Variants in MTMR10 observed in about 807,000 individuals in gnomAD.
MTMR10 encodes the protein myotubularin-related protein 10.
Under a neutral mutation model 88.1 loss-of-function variants are expected in MTMR10, and 56 were observed. That is an observed-to-expected ratio of 0.64 (90% CI 0.51 to 0.79). MTMR10 has a LOEUF of 0.79. MTMR10 is among the 30% of genes least tolerant of loss of function. The pLI is 0.00. For missense variants in MTMR10, 883 were observed against 924.7 expected (o/e 0.95, Z 0.58); for synonymous variants, 380 against 340.9 (o/e 1.11, Z -1.26).
chr15:30,953,082 G>A (rs750024681), intron 11 of MTMR10, among the ~76,000 whole-genome samples: 5 of 152,136 alleles, frequency 3.3e-5, no homozygotes, highest in Admixed American at 6.5e-5. Flanking sequence ...GAGCCACCAC[G>A]CCTGGCCTCA....
rs149504583 is a variant in MTMR10, at chr15:30,939,438, T to A, written c.*2032A>T. 140 of 985,466 alleles carry A rather than the reference T, an allele frequency of 1.4e-4. No individual in the cohort carries two copies. In the African/African-American group the frequency reaches 2.4e-3, roughly 17 times the overall value. 61.0% of individuals were successfully genotyped at this position (985,466 alleles called of 1,614,324 possible). The stretch of plus-strand genomic sequence containing the variant: ...GACGGCAGAGGTGGTATAAGCAGCT[T>A]CACCCTGGCCCGACTGAAGGCTGTC... On this transcript the variant is annotated 3_prime_UTR_variant, in exon 16 of 16. Transcript: ENST00000435680.
At chr15:30,990,690 A>C in intron 2 of MTMR10, 87 bp downstream of exon 2, 1 of 1,085,652 alleles carries the variant, frequency 9.2e-7, no homozygotes, top group East Asian at 2.6e-5. Flanking sequence ...AGAGAAGGGA[A>C]GTTAACCACA....
intron 2 of MTMR10, among the ~76,000 whole-genome samples, chr15:30,985,158 T>C (rs1367170859): frequency 6.6e-6 from 1 of 152,198 alleles, no homozygotes; most frequent in African/African-American, 2.4e-5. Context: ...CCCCACTCAC[T>C]GCAAATCTTA....
Position 30,941,174 on chromosome 15 carries a change from G to A in MTMR10, c.*296C>T, listed in dbSNP as rs2063035558. ...GTGACTGACTATCAGATAGCCTTCA[G>A]GAGGTGGTAGGAAAAATGGATGGAG... On this transcript the variant is annotated 3_prime_UTR_variant, in exon 16 of 16. Transcript: ENST00000435680. The A allele has an allele frequency of 1.5e-6, 2 of 1,328,818 alleles. No individual in the cohort carries two copies. The highest frequency in any genetic ancestry group is 2.0e-6 in the Non-Finnish European group (2 of 1,015,714). 82.3% of individuals were successfully genotyped at this position (1,328,818 alleles called of 1,614,324 possible). A position where few individuals can be genotyped will look rare whatever the true frequency, so the allele number is the denominator to read the frequency against.
intron 2 of MTMR10, among the ~76,000 whole-genome samples, chr15:30,990,236 T>C (rs1024954069): frequency 6.6e-6 from 1 of 152,116 alleles, no homozygotes; most frequent in Non-Finnish European, 1.5e-5. Context: ...ATCTAGTGGG[T>C]GGAGGCCATC....
chr15:30,954,645 T>A, intron 10 of MTMR10, 118 bp downstream of exon 10: 1 of 1,045,154 alleles, frequency 9.6e-7, no homozygotes, highest in East Asian at 3.0e-5. Flanking sequence ...GTACAAATAG[T>A]TCCATAGACT....
intron 5 of MTMR10, among the ~76,000 whole-genome samples, chr15:30,969,526 G>A (rs1164505907): frequency 6.6e-6 from 1 of 152,090 alleles, no homozygotes; most frequent in Non-Finnish European, 1.5e-5. Flanking sequence ...ATTTTTCATA[G>A]TTGTCCATTT....
chr15:30,987,880 A>ACCC (rs2031049958), intron 2 of MTMR10, among the ~76,000 whole-genome samples: 57 of 139,098 alleles, frequency 4.1e-4, no homozygotes, highest in Middle Eastern at 3.5e-3. Context: ...CACCCCCAAC[A>ACCC]CCCCCGACAG....
At position 30,969,524 on chromosome 15, in the gene MTMR10, T is replaced by C. The variant is rs114064261; in HGVS notation, c.475-1514A>G. 4.5e-3 allele frequency among the ~76,000 whole-genome samples: 692 copies of C among 152,296 alleles called. 6 individuals carry two copies. Among genetic ancestry groups the C allele is most frequent in the African/African-American group, 0.016 (654 of 41,590 alleles). On this transcript the variant is annotated intron_variant, in intron 5 of 15. Coordinates refer to ENST00000435680, the MANE Select transcript of MTMR10 (RefSeq NM_017762.3). ...TGCACTTTTCTCTAGACATTTTTCA[T>C]AGTTGTCCATTTTGCTACACTGCCA...
chr15:30,952,673 T>G (rs2063266144), intron 11 of MTMR10, among the ~76,000 whole-genome samples: 1 of 152,006 alleles, frequency 6.6e-6, no homozygotes, highest in Admixed American at 6.6e-5. Context: ...TCCAACTTTT[T>G]TGTGGAGATG....
the MTMR10 span, among the ~76,000 whole-genome samples, chr15:30,925,463 C>G: frequency 6.6e-6 from 1 of 152,204 alleles, no homozygotes; most frequent in Non-Finnish European, 1.5e-5. Context: ...CCCTAACGCC[C>G]TCCTCCCTGA....
intron 7 of MTMR10, 67 bp downstream of exon 7, chr15:30,960,814 G>C: frequency 7.1e-7 from 1 of 1,416,288 alleles, no homozygotes; most frequent in Non-Finnish European, 9.3e-7. Context: ...AATGACAACA[G>C]AGTTTGATGA....
At chr15:30,978,037 T>A (rs1370210372) in intron 2 of MTMR10, among the ~76,000 whole-genome samples, 1 of 152,154 alleles carries the variant, frequency 6.6e-6, no homozygotes, top group Non-Finnish European at 1.5e-5. Context: ...CCAGCCTTCC[T>A]CACCCTCACT....
At chr15:30,952,684 G>A (rs1300248257) in intron 11 of MTMR10, among the ~76,000 whole-genome samples, 3 of 151,198 alleles carry the variant, frequency 2.0e-5, no homozygotes, top group Non-Finnish European at 4.4e-5. Context: ...TGTGGAGATG[G>A]GGTCTCACTG....
the MTMR10 span, among the ~76,000 whole-genome samples, chr15:30,931,286 TTTG>T: frequency 1.3e-5 from 2 of 151,852 alleles, no homozygotes; most frequent in African/African-American, 4.9e-5. Flanking sequence ...TCACTGGTGA[TTTG>T]TTTTCTCATT....
the MTMR10 span, among the ~76,000 whole-genome samples, chr15:30,921,300 T>C: frequency 6.6e-6 from 1 of 152,170 alleles, no homozygotes; most frequent in Non-Finnish European, 1.5e-5. Flanking sequence ...TCAGAACTCC[T>C]TGTGAGACTT....
Position 30,940,704 on chromosome 15 carries a change from T to C in MTMR10, c.*766A>G. The C allele has an allele frequency of 1.0e-6, 1 of 988,338 alleles. No homozygotes were observed. Among genetic ancestry groups the C allele is most frequent in the South Asian group, 4.7e-5 (1 of 21,478 alleles). The allele number at this position is 988,338 out of a possible 1,614,324, so 61.2% of individuals were successfully genotyped here. A position where few individuals can be genotyped will look rare whatever the true frequency, so the allele number is the denominator to read the frequency against. On this transcript the variant is annotated 3_prime_UTR_variant, in exon 16 of 16. Transcript: ENST00000435680. ...AGAGGAACAAGACTCTGGGGACTCC[T>C]GGCTATGAAGCTTAGTATGAAAAGC...
intron 2 of MTMR10, among the ~76,000 whole-genome samples, chr15:30,979,570 T>A (rs953122909): frequency 4.0e-5 from 6 of 150,836 alleles, no homozygotes; most frequent in African/African-American, 1.5e-4. Context: ...AAAAAAAAAA[T>A]CACTTAAACA....
the MTMR10 span, chr15:30,925,216 AGAGTCTCC>A: frequency 6.2e-7 from 1 of 1,614,084 alleles, no homozygotes; most frequent in Non-Finnish European, 8.5e-7. Context: ...TGCGCCTGCG[AGAGTCTCC>A]GAGCTGTAAA....
Sources: allele counts gnomAD v4.1 joint callset (sites outside exome capture counted in the v4.1 genomes callset), GRCh38; gene constraint gnomAD v4.1.1; transcripts MANE v1.5; gene names NCBI Gene and HGNC (gene_info 2026-07-23, HGNC 2026-07-21).